The following LMBR1 variants were observed in gnomAD, a reference collection of about 807,000 sequenced individuals.
The protein encoded by LMBR1 is limb region 1 protein homolog.
Under a neutral mutation model 73.9 loss-of-function variants are expected in LMBR1, and 52 were observed. That is an observed-to-expected ratio of 0.70 (90% CI 0.56 to 0.89). LMBR1 has a LOEUF of 0.89. LMBR1 is among the 40% of genes least tolerant of loss of function. The pLI is 0.00. For missense variants in LMBR1, 539 were observed against 579.8 expected (o/e 0.93, Z 0.72); for synonymous variants, 215 against 209.4 (o/e 1.03, Z -0.23).
At chr7:156,841,443 T>C (rs986260345) in intron 1 of LMBR1, among the ~76,000 whole-genome samples, 12 of 152,050 alleles carry the variant, frequency 7.9e-5, no homozygotes, top group Admixed American at 7.9e-4. Flanking sequence ...GGAGTAAGTA[T>C]AGCCAGAGAA....
intron 5 of LMBR1, among the ~76,000 whole-genome samples, chr7:156,789,391 T>C (rs1288811502): frequency 6.6e-6 from 1 of 152,202 alleles, no homozygotes; most frequent in Non-Finnish European, 1.5e-5. Context: ...ATCATGTTAG[T>C]GACTTAAGTT....
At chr7:156,823,341 T>C (rs1296158996) in intron 4 of LMBR1, 3 of 152,130 alleles carry the variant, frequency 2.0e-5, no homozygotes, top group African/African-American at 4.8e-5. Flanking sequence ...GGCACCTTCA[T>C]GGTCTATCAA....
intron 15 of LMBR1, among the ~76,000 whole-genome samples, chr7:156,692,161 A>G (rs1271121721): frequency 6.6e-6 from 1 of 152,132 alleles, no homozygotes; most frequent in Non-Finnish European, 1.5e-5. Flanking sequence ...CTGCAACCCA[A>G]GCCCTCCTGG....
At chr7:156,762,032 A>G in intron 8 of LMBR1, 102 bp downstream of exon 8, 2 of 715,856 alleles carry the variant, frequency 2.8e-6, no homozygotes, top group Non-Finnish European at 4.8e-6. Context: ...CATACAAAAC[A>G]TATTCTTCTT....
In LMBR1 at chr7:156,702,082, T is replaced by C. The variant is rs547842850; in HGVS notation, c.1226-13891A>G. The stretch of plus-strand genomic sequence containing the variant: ...TTTGCTATTGTGAATAGTGCTGCAA[T>C]GAACATATATGTGCATGTATCTTTA... On this transcript the variant is annotated intron_variant, in intron 15 of 16. Coordinates refer to ENST00000353442, the MANE Select transcript of LMBR1 (RefSeq NM_022458.4). Among the ~76,000 whole-genome samples, 40 of 152,368 alleles carry C rather than the reference T, an allele frequency of 2.6e-4. No homozygotes were observed. The South Asian group carries it at 8.3e-3, about 32-fold the overall frequency.
At chr7:156,736,645 G>C (rs1299563139) in intron 9 of LMBR1, 5 of 455,732 alleles carry the variant, frequency 1.1e-5, no homozygotes, top group Non-Finnish European at 2.2e-5. Context: ...AAGTGTCTGA[G>C]CCACACACCT....
At chr7:156,748,836 T>C (rs1415743965) in intron 9 of LMBR1, among the ~76,000 whole-genome samples, 1 of 152,210 alleles carries the variant, frequency 6.6e-6, no homozygotes, top group African/African-American at 2.4e-5. Flanking sequence ...ATATATTTCA[T>C]AAAATATATG....
chr7:156,742,532 G>C (rs991538863), intron 9 of LMBR1, among the ~76,000 whole-genome samples: 6 of 152,044 alleles, frequency 3.9e-5, no homozygotes, highest in African/African-American at 1.4e-4. Context: ...CAAATTTCTA[G>C]ACACATACAA....
At chr7:156,757,064 C>T (rs1822029937) in intron 8 of LMBR1, among the ~76,000 whole-genome samples, 1 of 152,182 alleles carries the variant, frequency 6.6e-6, no homozygotes, top group African/African-American at 2.4e-5. Context: ...GATCCGCCTG[C>T]CTCAGCCTCC....
intron 1 of LMBR1, among the ~76,000 whole-genome samples, chr7:156,860,075 G>A (rs753737434): frequency 2.6e-5 from 4 of 152,188 alleles, no homozygotes; most frequent in East Asian, 1.9e-4. Flanking sequence ...GGACATCCAC[G>A]TACAACAAAA....
intron 4 of LMBR1, among the ~76,000 whole-genome samples, chr7:156,817,337 T>TTAAA (rs1311140738): frequency 1.3e-5 from 2 of 152,202 alleles, no homozygotes; most frequent in African/African-American, 4.8e-5. Flanking sequence ...TTCAGTAGAA[T>TTAAA]TAAAGATCTA....
rs1028240202 is a variant in LMBR1 at position 156,681,131 on chromosome 7, G to A, written c.*2947C>T. On this transcript the variant is annotated 3_prime_UTR_variant, in exon 17 of 17. Coordinates refer to ENST00000353442, the MANE Select transcript of LMBR1 (RefSeq NM_022458.4). ...ATTCTGCCTTTATGCATTAAATAAC[G>A]TGCTACCAACAAAACTAGCACATAA... The A allele has an allele frequency of 2.7e-5, 12 of 437,964 alleles. No homozygotes were observed. Among genetic ancestry groups the A allele is most frequent in the African/African-American group, 1.4e-4 (7 of 48,570 alleles). The allele number at this position is 437,964 out of a possible 1,614,324, so 27.1% of individuals were successfully genotyped here.
At chr7:156,874,043 C>T (rs994061218) in intron 1 of LMBR1, among the ~76,000 whole-genome samples, 13 of 152,224 alleles carry the variant, frequency 8.5e-5, no homozygotes, top group Admixed American at 8.5e-4. Context: ...GACTGGGCGC[C>T]GTGGAGCAGG....
At chr7:156,675,046 G>C (rs1232804380), downstream of LMBR1, among the ~76,000 whole-genome samples, 1 of 152,214 alleles carries the variant, frequency 6.6e-6, no homozygotes, top group Non-Finnish European at 1.5e-5. Flanking sequence ...AAATTACACG[G>C]ATTTACTTAG....
intron 1 of LMBR1, among the ~76,000 whole-genome samples, chr7:156,841,192 T>G (rs1170314993): frequency 2.6e-5 from 4 of 151,910 alleles, no homozygotes; most frequent in African/African-American, 4.8e-5. Flanking sequence ...AAAGACAGAG[T>G]TGCCATTTCA....
intron 2 of LMBR1, chr7:156,834,437 C>T (rs778341744): frequency 1.0e-4 from 19 of 186,052 alleles, no homozygotes; most frequent in Non-Finnish European, 2.1e-4. Context: ...TCCATCTTTA[C>T]AAAAAAATTT....
chr7:156,735,500 A>AG (rs1285292549), intron 9 of LMBR1, among the ~76,000 whole-genome samples: 1 of 149,118 alleles, frequency 6.7e-6, no homozygotes, highest in East Asian at 2.0e-4. Flanking sequence ...AGAAATTAAA[A>AG]TACCCACTAC....
chr7:156,690,167 C>T (rs918920903), intron 15 of LMBR1, among the ~76,000 whole-genome samples: 5 of 152,228 alleles, frequency 3.3e-5, no homozygotes, highest in African/African-American at 4.8e-5. Context: ...ACATATACTA[C>T]CATCAGTAAA....
At chr7:156,773,268 C>G (rs1319760399) in intron 5 of LMBR1, among the ~76,000 whole-genome samples, 2 of 152,046 alleles carry the variant, frequency 1.3e-5, no homozygotes, top group Non-Finnish European at 2.9e-5. Flanking sequence ...GGCCATACTG[C>G]CCAAAGCAAT....
Sources: gnomAD v4.1 joint callset for allele counts (sites outside exome capture counted in the v4.1 genomes callset) on GRCh38, gnomAD v4.1.1 for gene constraint, MANE v1.5 for transcripts, NCBI Gene and HGNC (gene_info 2026-07-23, HGNC 2026-07-21) for gene names.